Variants in PTPRG observed in about 807,000 individuals in gnomAD.
PTPRG encodes the protein protein tyrosine phosphatase receptor type G, also known as receptor-type tyrosine-protein phosphatase gamma.
Under a neutral mutation model 165.3 loss-of-function variants are expected in PTPRG, and 102 were observed. That is an observed-to-expected ratio of 0.62 (90% CI 0.53 to 0.73). The LOEUF is 0.73. PTPRG is among the 30% of genes least tolerant of loss of function. The probability of loss-of-function intolerance (pLI) is 0.00; values close to 1 mark genes in which losing one functional copy is unlikely to be tolerated. For missense variants in PTPRG, 1,866 were observed against 1,861.4 expected, an observed-to-expected ratio of 1.00 and a Z score of -0.05; for synonymous variants, 675 against 669.5, an observed-to-expected ratio of 1.01 and a Z score of -0.13.
At chr3:61,579,865 A>G (rs74652127) in intron 1 of PTPRG, among the ~76,000 whole-genome samples, 1,588 of 152,312 alleles carry the variant, frequency 0.01, 36 homozygotes, top group African/African-American at 0.036. Context: ...GTCTTTGTAT[A>G]CACAGCTGAC....
At chr3:62,192,049 A>G (rs1478167625) in intron 9 of PTPRG, among the ~76,000 whole-genome samples, 1 of 152,194 alleles carries the variant, frequency 6.6e-6, no homozygotes, top group African/African-American at 2.4e-5. Context: ...ATTAACTATT[A>G]TTTATTACGA....
intron 1 of PTPRG, among the ~76,000 whole-genome samples, chr3:61,704,959 CA>C (rs2106721430): frequency 6.6e-6 from 1 of 152,326 alleles, no homozygotes; most frequent in East Asian, 1.9e-4. Context: ...TGGCTTCCTG[CA>C]AGTAGGTCCT....
chr3:62,076,300 T>C (rs2886669), intron 4 of PTPRG, among the ~76,000 whole-genome samples: 4,293 of 151,876 alleles, frequency 0.028, 193 homozygotes, highest in African/African-American at 0.099. Flanking sequence ...AAAAAATACA[T>C]ATGTATATAT....
chr3:62,167,931 G>GT (rs61078615), intron 7 of PTPRG, 40 bp from the exon 8 acceptor site: 336,187 of 1,361,388 alleles, frequency 0.25, 21,507 homozygotes, highest in African/African-American at 0.37. Flanking sequence ...TTTTTGTGTT[G>GT]TTTTTTTTTT....
chr3:61,871,934 A>C (rs1414302539), intron 2 of PTPRG, among the ~76,000 whole-genome samples: 1 of 152,174 alleles, frequency 6.6e-6, no homozygotes, highest in Non-Finnish European at 1.5e-5. Context: ...TTAGAGCTGA[A>C]TGTCCTTCTC....
At chr3:61,922,472 G>A (rs1016419926) in intron 2 of PTPRG, among the ~76,000 whole-genome samples, 1 of 152,182 alleles carries the variant, frequency 6.6e-6, no homozygotes, top group Non-Finnish European at 1.5e-5. Flanking sequence ...GTAGGAATGT[G>A]TCTGTGTGAG....
intron 4 of PTPRG, among the ~76,000 whole-genome samples, chr3:62,063,727 T>A (rs1002847952): frequency 9.2e-5 from 14 of 152,204 alleles, no homozygotes; most frequent in Non-Finnish European, 1.9e-4. Flanking sequence ...AGTCTTGAAC[T>A]GCTGGCTTCG....
intron 26 of PTPRG, among the ~76,000 whole-genome samples, chr3:62,280,467 A>T (rs1372304706): frequency 6.6e-6 from 1 of 152,066 alleles, no homozygotes. Context: ...GCCAAGAGGT[A>T]TATGAAAAGA....
At chr3:61,890,416 TTTTTTTG>T (rs989706202) in intron 2 of PTPRG, among the ~76,000 whole-genome samples, 3 of 81,356 alleles carry the variant, frequency 3.7e-5, no homozygotes, top group African/African-American at 1.1e-4. Context: ...TTCTTTGTTT[TTTTTTTG>T]TTTTTTTTTT....
At chr3:62,049,120 C>CAAA (rs200692890) in intron 4 of PTPRG, among the ~76,000 whole-genome samples, 15 of 136,508 alleles carry the variant, frequency 1.1e-4, no homozygotes, top group African/African-American at 1.8e-4. Flanking sequence ...CAAAACAAAA[C>CAAA]AAAAAAAAAA....
intron 2 of PTPRG, among the ~76,000 whole-genome samples, chr3:61,939,928 CTTTTTTTTTTTTTTTTTTTTTTTT>C (rs561334410): frequency 2.6e-5 from 1 of 39,108 alleles, no homozygotes; most frequent in Non-Finnish European, 4.6e-5. Flanking sequence ...ACTGACTTGT[CTTTTTTTTTTTTTTTTTTTTTTTT>C]TTTTTTTTTT....
At chr3:61,811,280 A>G (rs963610177) in intron 2 of PTPRG, among the ~76,000 whole-genome samples, 1 of 152,192 alleles carries the variant, frequency 6.6e-6, no homozygotes, top group African/African-American at 2.4e-5. Context: ...CATGTCCTAG[A>G]TTCACAGGTG....
At chr3:62,152,812 C>T (rs1204847116) in intron 6 of PTPRG, among the ~76,000 whole-genome samples, 1 of 152,202 alleles carries the variant, frequency 6.6e-6, no homozygotes, top group Admixed American at 6.5e-5. Context: ...GTCAAGGTGA[C>T]TTTCTGATAC....
intron 12 of PTPRG, among the ~76,000 whole-genome samples, chr3:62,206,912 C>CAAAAAAAA (rs556974355): frequency 2.1e-4 from 8 of 37,336 alleles, no homozygotes; most frequent in African/African-American, 5.0e-4. Context: ...GACTCTGTCT[C>CAAAAAAAA]AAAAAAAAAA....
chr3:61,680,089 G>A (rs1234814371), intron 1 of PTPRG, among the ~76,000 whole-genome samples: 1 of 152,080 alleles, frequency 6.6e-6, no homozygotes. Flanking sequence ...AGAGCAGTTG[G>A]GCCAGAACAG....
At chr3:62,084,955 C>T (rs2106776869) in intron 5 of PTPRG, among the ~76,000 whole-genome samples, 1 of 152,202 alleles carries the variant, frequency 6.6e-6, no homozygotes, top group South Asian at 2.1e-4. Context: ...GCTCCATTGT[C>T]TAGATTGGAA....
At chr3:61,851,812 C>G (rs955340100) in intron 2 of PTPRG, among the ~76,000 whole-genome samples, 3 of 152,060 alleles carry the variant, frequency 2.0e-5, no homozygotes, top group African/African-American at 7.2e-5. Flanking sequence ...TTCTCTTTGC[C>G]TTCAGTAGCA....
intron 1 of PTPRG, among the ~76,000 whole-genome samples, chr3:61,628,437 T>C (rs1701674560): frequency 1.3e-5 from 2 of 152,166 alleles, no homozygotes; most frequent in Non-Finnish European, 2.9e-5. Flanking sequence ...TGCCTCAGCC[T>C]CCCGAGTAGC....
chr3:61,763,435 C>G (rs578041380), intron 2 of PTPRG, among the ~76,000 whole-genome samples: 1 of 151,946 alleles, frequency 6.6e-6, no homozygotes. Context: ...ACGGGTTTCA[C>G]TGTCTGCCAC....
Sources: gnomAD v4.1 joint callset for allele counts (sites outside exome capture counted in the v4.1 genomes callset) on GRCh38, gnomAD v4.1.1 for gene constraint, MANE v1.5 for transcripts, NCBI Gene and HGNC (gene_info 2026-07-23, HGNC 2026-07-21) for gene names.